The following AGAP1 variants were observed in gnomAD, a reference collection of about 807,000 sequenced individuals.
The protein encoded by AGAP1 is ArfGAP with GTPase domain, ankyrin repeat and PH domain 1.
Under a neutral mutation model 105.3 loss-of-function variants are expected in AGAP1, and 29 were observed. The observed-to-expected ratio is 0.28, with a 90% CI of 0.21 to 0.38. The LOEUF (loss-of-function observed/expected upper bound fraction) is 0.38. Among genes scored for constraint, AGAP1 ranks in the 10% least tolerant of loss-of-function variants. AGAP1 has a pLI of 1.00. For synonymous variants in AGAP1, 509 were observed against 485.9 expected (o/e 1.05, Z -0.63); for missense variants, 998 against 1,165.1 (o/e 0.86, Z 2.09).
At chr2:235,758,673 C>T (rs1954140097) in intron 6 of AGAP1, among the ~76,000 whole-genome samples, 1 of 152,176 alleles carries the variant, frequency 6.6e-6, no homozygotes, top group African/African-American at 2.4e-5. Flanking sequence ...ACAAAGATGA[C>T]ATGAAGAAAG....
Position 235,674,601 on chromosome 2 carries a change from A to G in AGAP1, c.164-34578A>G, listed in dbSNP as rs528731505. On this transcript the variant is annotated intron_variant, in intron 1 of 17. Transcript: ENST00000304032. ...TAGCTTTTAAAATTAGTAATTTACAACTGATTTTTGACAGCACATTTTATG... is the reference window on the plus strand; with the variant it reads ...TAGCTTTTAAAATTAGTAATTTACAGCTGATTTTTGACAGCACATTTTATG... 2.6e-5 allele frequency among the ~76,000 whole-genome samples: 4 copies of G among 152,300 alleles called. No homozygotes were observed. The South Asian group carries it at 6.2e-4, about 24-fold the overall frequency.
intron 13 of AGAP1, among the ~76,000 whole-genome samples, chr2:235,997,598 G>A (rs1473215481): frequency 1.3e-5 from 2 of 152,186 alleles, no homozygotes; most frequent in East Asian, 3.8e-4. Flanking sequence ...CCCACTGTAT[G>A]TGGGGACTGC....
chr2:235,748,961 C>A (rs1003914246), intron 5 of AGAP1, among the ~76,000 whole-genome samples: 1 of 152,210 alleles, frequency 6.6e-6, no homozygotes, highest in African/African-American at 2.4e-5. Flanking sequence ...GTAATCCCAA[C>A]ACTTTGGGAG....
At chr2:236,057,699 G>C (rs1306961787) in intron 16 of AGAP1, among the ~76,000 whole-genome samples, 3 of 152,144 alleles carry the variant, frequency 2.0e-5, no homozygotes, top group Admixed American at 2.0e-4. Flanking sequence ...CCATGTCTCA[G>C]GCCATAGAGT....
At chr2:235,928,972 T>A (rs538583691) in intron 11 of AGAP1, among the ~76,000 whole-genome samples, 2 of 152,332 alleles carry the variant, frequency 1.3e-5, no homozygotes, top group East Asian at 3.9e-4. Flanking sequence ...ATTCAAGATG[T>A]GGGCTCCAAA....
intron 16 of AGAP1, among the ~76,000 whole-genome samples, chr2:236,098,247 A>C (rs896558731): frequency 6.6e-6 from 1 of 152,138 alleles, no homozygotes; most frequent in Non-Finnish European, 1.5e-5. Context: ...CTGAACCGTC[A>C]TACCGGTTTT....
At chr2:235,496,956 A>C (rs966945307) in intron 1 of AGAP1, among the ~76,000 whole-genome samples, 1 of 152,196 alleles carries the variant, frequency 6.6e-6, no homozygotes, top group Non-Finnish European at 1.5e-5. Flanking sequence ...GGATGTCTAC[A>C]TTATGTGGAG....
intron 1 of AGAP1, among the ~76,000 whole-genome samples, chr2:235,580,017 C>T (rs1227991713): frequency 6.6e-6 from 1 of 152,202 alleles, no homozygotes; most frequent in Non-Finnish European, 1.5e-5. Context: ...CCTTCTGTGA[C>T]TGGGTTCTTT....
intron 11 of AGAP1, among the ~76,000 whole-genome samples, chr2:235,925,780 G>C (rs2052417887): frequency 6.6e-6 from 1 of 152,202 alleles, no homozygotes; most frequent in Non-Finnish European, 1.5e-5. Flanking sequence ...ACTGCTTCGA[G>C]CTGACCTGGA....
intron 2 of AGAP1, 106 bp downstream of exon 2, chr2:235,709,343 A>G (rs1483020030): frequency 2.3e-6 from 3 of 1,292,832 alleles, no homozygotes; most frequent in Non-Finnish European, 3.4e-6. Context: ...CCCAGAGTGG[A>G]AGTGTGACTC....
intron 13 of AGAP1, 51 bp downstream of exon 13, chr2:235,968,674 CTG>C (rs778299750): frequency 6.4e-7 from 1 of 1,570,526 alleles, no homozygotes; most frequent in Non-Finnish European, 8.6e-7. Context: ...GGAAAATTCT[CTG>C]TTATTTTTCA....
At position 235,553,144 on chromosome 2, in the gene AGAP1, G is replaced by T. The variant is rs968455562; in HGVS notation, c.163+58295G>T. Among the ~76,000 whole-genome samples the T allele has an allele frequency of 1.3e-5, 2 of 152,330 alleles. No homozygotes were observed. The highest frequency in any genetic ancestry group is 1.9e-4 in the East Asian group (1 of 5,188). ...CGAAAGCCAGACTTGAGAGACAAGG[G>T]TTGGTGGGAGAAACAGCAGGTATAT... On this transcript the variant is annotated intron_variant, in intron 1 of 17. Coordinates refer to ENST00000304032, the MANE Select transcript of AGAP1 (RefSeq NM_001037131.3). This position sits in a 1 kb window ranked among gnomAD's most constrained non-coding sequence, Gnocchi z 4.5.
chr2:235,857,527 T>G (rs1449592607), intron 9 of AGAP1, among the ~76,000 whole-genome samples: 1 of 152,176 alleles, frequency 6.6e-6, no homozygotes, highest in African/African-American at 2.4e-5. Context: ...GTTGAGCAGC[T>G]TCCCACCCTG....
At position 235,951,298 on chromosome 2, in the gene AGAP1, C is replaced by T. The variant is rs527541059; in HGVS notation, c.1484-17164C>T. On this transcript the variant is annotated intron_variant, in intron 12 of 17. Coordinates refer to ENST00000304032, the MANE Select transcript of AGAP1 (RefSeq NM_001037131.3). The surrounding 1 kb of genome is among the most constrained non-coding windows in gnomAD (Gnocchi z 4.2). ...AGTTATCCCAAGTAGAATACTCGAT[C>T]GATGTCCACAGCACATTCAAATTAT... 3.9e-5 allele frequency among the ~76,000 whole-genome samples: 6 copies of T among 152,274 alleles called. No homozygotes were observed. Among genetic ancestry groups the T allele is most frequent in the Admixed American group, 1.3e-4 (2 of 15,302 alleles).
intron 1 of AGAP1, among the ~76,000 whole-genome samples, chr2:235,572,939 G>C (rs558038557): frequency 2.0e-5 from 3 of 152,050 alleles, no homozygotes; most frequent in Admixed American, 2.0e-4. Flanking sequence ...GAAGCAGCAC[G>C]AGAGTTGCTG....
intron 1 of AGAP1, 24 bp downstream of exon 1, chr2:235,494,873 C>T: frequency 1.3e-6 from 2 of 1,540,744 alleles, no homozygotes; most frequent in Non-Finnish European, 1.8e-6. Flanking sequence ...CGCCTTGGGG[C>T]CTCGGGAAGG....
At chr2:235,902,344 A>AT (rs1030093755) in intron 10 of AGAP1, among the ~76,000 whole-genome samples, 12 of 151,918 alleles carry the variant, frequency 7.9e-5, no homozygotes, top group African/African-American at 2.2e-4. Flanking sequence ...TGAAATCACT[A>AT]TTTTTTTTCC....
intron 6 of AGAP1, among the ~76,000 whole-genome samples, chr2:235,771,131 C>G (rs967987777): frequency 1.3e-5 from 2 of 152,196 alleles, no homozygotes; most frequent in Non-Finnish European, 2.9e-5. Flanking sequence ...TCCGGCATGG[C>G]CCCCAGCACC....
rs181938953 is a variant in AGAP1 at position 235,622,343 on chromosome 2, G to A, written c.164-86836G>A. 2.9e-3 allele frequency among the ~76,000 whole-genome samples: 436 copies of A among 152,298 alleles called. 1 individual carries two copies. The highest frequency in any genetic ancestry group is 5.4e-3 in the Admixed American group (82 of 15,302). On this transcript the variant is annotated intron_variant, in intron 1 of 17. Coordinates refer to ENST00000304032, the MANE Select transcript of AGAP1 (RefSeq NM_001037131.3). The surrounding 1 kb of genome is among the most constrained non-coding windows in gnomAD (Gnocchi z 5.0). The stretch of plus-strand genomic sequence containing the variant: ...TGAGATGTGACTCTGGACAGCCAGT[G>A]GTCTGTAGCATTCTCATCCTTCAGA...
Sources: gnomAD v4.1 joint callset for allele counts (sites outside exome capture counted in the v4.1 genomes callset) on GRCh38, gnomAD v4.1.1 for gene constraint, Gnocchi (gnomAD v3.1) non-coding constraint, MANE v1.5 for transcripts, NCBI Gene and HGNC (gene_info 2026-07-23, HGNC 2026-07-21) for gene names.